The following C19orf38 variants were observed in gnomAD, a reference collection of about 807,000 sequenced individuals.
C19orf38 encodes the protein protein HIDE1.
C19orf38 carries 14 observed loss-of-function variants against 26.6 expected under a neutral mutation model. The ratio of observed to expected loss-of-function variants is 0.53; its 90% CI spans 0.35 to 0.82. C19orf38 has a LOEUF of 0.82. Among genes scored for constraint, C19orf38 ranks in the 40% least tolerant of loss-of-function variants. C19orf38 has a pLI of 0.01. For synonymous variants in C19orf38, 132 were observed against 128.5 expected, an observed-to-expected ratio of 1.03 and a Z score of -0.18; for missense variants, 261 against 299.5, an observed-to-expected ratio of 0.87 and a Z score of 0.95.
At chr19:10,838,449 C>T (rs547282424) in intron 1 of C19orf38, among the ~76,000 whole-genome samples, 64 of 152,274 alleles carry the variant, frequency 4.2e-4, no homozygotes, top group Non-Finnish European at 7.4e-4. Flanking sequence ...ATTAACAATT[C>T]AGTGGCATTT....
At chr19:10,847,661 G>A (rs1001656150), upstream of C19orf38, among the ~76,000 whole-genome samples, 2 of 151,664 alleles carry the variant, frequency 1.3e-5, no homozygotes, top group African/African-American at 2.4e-5. Flanking sequence ...GAGCCACCAC[G>A]TCTGGCCTAA....
rs1405393168 is a variant in C19orf38, at chr19:10,865,497, T to A, written c.543+2290T>A. Among the ~76,000 whole-genome samples the A allele has an allele frequency of 2.0e-5, 3 of 151,234 alleles. No homozygotes were observed. In the East Asian group the frequency reaches 6.0e-4, roughly 30 times the overall value. On this transcript the variant is annotated intron_variant, in intron 6 of 6. Transcript: ENST00000397820. The stretch of plus-strand genomic sequence containing the variant: ...TTCTTAAATTAAGGACCAGGCGTGG[T>A]GGCTCATGCCTGTAATCCCATCACT...
intron 1 of C19orf38, among the ~76,000 whole-genome samples, chr19:10,842,872 G>A (rs1048087796): frequency 3.9e-5 from 6 of 152,230 alleles, no homozygotes; most frequent in African/African-American, 1.4e-4. Context: ...GACACTGGAG[G>A]CACCCTGCCC....
rs1433358051 is a variant in C19orf38 at position 10,857,366 on chromosome 19, A to ATATTTT, written c.434-949_434-948insATTTTT. 9.6e-4 allele frequency among the ~76,000 whole-genome samples: 54 copies of ATATTTT among 56,080 alleles called. 3 individuals are homozygous for ATATTTT. The highest frequency in any genetic ancestry group is 5.5e-3 in the African/African-American group (32 of 5,818). The allele number at this position is 56,080 out of a possible 152,430, so 36.8% of individuals were successfully genotyped here. Reference sequence around the variant, plus strand: ...TATATATATATATATATATATATATATTTTTTTTTTTTTTTTTTTAAGATG... The same window carrying ATATTTT: ...TATATATATATATATATATATATATATATTTTTTTTTTTTTTTTTTTTTTTAAGATG... On this transcript the variant is annotated intron_variant, in intron 3 of 6. Transcript: ENST00000397820.
chr19:10,861,299 A>T (rs2073695976), intron 5 of C19orf38, among the ~76,000 whole-genome samples: 1 of 152,248 alleles, frequency 6.6e-6, no homozygotes, highest in Non-Finnish European at 1.5e-5. Context: ...AGAACATGCC[A>T]TTCTGCCAGC....
chr19:10,851,974 CAAAAAAA>C (rs903489432), intron 2 of C19orf38, among the ~76,000 whole-genome samples: 2 of 48,536 alleles, frequency 4.1e-5, no homozygotes, highest in African/African-American at 7.4e-5. Flanking sequence ...GACTCCGTCT[CAAAAAAA>C]AAAAAAAAAA....
At chr19:10,863,057 G>C (rs2073717367) in intron 5 of C19orf38, 113 bp from the exon 6 acceptor site, 2 of 1,092,350 alleles carry the variant, frequency 1.8e-6, no homozygotes, top group Admixed American at 4.1e-5. Context: ...AGGATGCTGG[G>C]AGATGGACCC....
chr19:10,854,221 C>T (rs1426731583), intron 2 of C19orf38, among the ~76,000 whole-genome samples: 2 of 151,880 alleles, frequency 1.3e-5, no homozygotes, highest in African/African-American at 2.4e-5. Context: ...AACCACCACA[C>T]CCTGCTAATT....
At position 10,857,288 on chromosome 19, in the gene C19orf38, GTATGTATATATA is replaced by G. The variant is rs1350004139; in HGVS notation, c.433+937_433+948del. On this transcript the variant is annotated intron_variant, in intron 3 of 6. Coordinates refer to ENST00000397820, the MANE Select transcript of C19orf38 (RefSeq NM_001136482.3). The stretch of plus-strand genomic sequence containing the variant: ...TATGTGTGTGGGTATATATGTGTGT[GTATGTATATATA>G]TATGTGTGTATATATATACATACAC... 6.0e-5 allele frequency among the ~76,000 whole-genome samples: 8 copies of G among 133,288 alleles called. No homozygotes were observed. In the East Asian group the frequency reaches 1.8e-3, roughly 29 times the overall value. The allele number at this position is 133,288 out of a possible 152,430, so 87.4% of individuals were successfully genotyped here.
chr19:10,861,587 T>C (rs531646618), intron 5 of C19orf38, among the ~76,000 whole-genome samples: 1 of 152,200 alleles, frequency 6.6e-6, no homozygotes, highest in South Asian at 2.1e-4. Flanking sequence ...TGTTTTTCTT[T>C]TTTTTTTTGA....
In C19orf38 at chr19:10,869,304, G is replaced by A; in HGVS notation, c.630G>A (p.Arg210=). 1 of 1,551,612 alleles carries A rather than the reference G, an allele frequency of 6.4e-7. No individual in the cohort carries two copies. The highest frequency in any genetic ancestry group is 8.7e-7 in the Non-Finnish European group (1 of 1,146,958). The part of the protein sequence containing the change: ...ATPSNSRTRK[R]PTSTSSSPET... ...CCAGCAACTCCAGGACCCGGAAGAG[G>A]CCCACTTCCACGTCCTCCTCGCCTG... is the stretch of plus-strand genomic sequence containing the variant. Residue 210 remains arginine, a synonymous_variant, in exon 7 of 7, where the codon AGG becomes AGA. Coordinates refer to ENST00000397820, the MANE Select transcript of C19orf38 (RefSeq NM_001136482.3).
chr19:10,850,431 C>T lies in C19orf38; in HGVS notation c.204C>T (p.Arg68=), dbSNP rs1268203019. The part of the protein sequence containing the change: ...VQLLQAPTDQ[R]GVTFNLSGGS... ...TCCTGCAGGCCCCCACGGACCAGCG[C>T]GGGGTGACATTTAACCTGAGCGGCG... Residue 68 remains arginine, a synonymous_variant, in exon 2 of 7, where the codon CGC becomes CGT. Transcript: ENST00000397820. 10 of 1,551,158 alleles carry T rather than the reference C, an allele frequency of 6.4e-6. No homozygotes were observed. Among genetic ancestry groups the T allele is most frequent in the Non-Finnish European group, 8.7e-6 (10 of 1,146,794 alleles).
At chr19:10,853,432 G>A (rs573350123) in intron 2 of C19orf38, among the ~76,000 whole-genome samples, 1 of 150,162 alleles carries the variant, frequency 6.7e-6, no homozygotes, top group South Asian at 2.1e-4. Context: ...GATTACAGGC[G>A]TGCACCACCA....
chr19:10,865,946 G>A (rs1426281156), intron 6 of C19orf38, among the ~76,000 whole-genome samples: 2 of 151,778 alleles, frequency 1.3e-5, no homozygotes, highest in Non-Finnish European at 2.9e-5. Context: ...CCGAGTAGCT[G>A]GGACCACAGA....
At chr19:10,867,984 TG>T (rs747836615) in intron 6 of C19orf38, among the ~76,000 whole-genome samples, 1 of 152,114 alleles carries the variant, frequency 6.6e-6, no homozygotes, top group Non-Finnish European at 1.5e-5. Context: ...AATCATATTG[TG>T]TTGTATGGAT....
chr19:10,857,945 T>C (rs888650271), intron 3 of C19orf38, among the ~76,000 whole-genome samples: 2 of 144,584 alleles, frequency 1.4e-5, no homozygotes, highest in African/African-American at 5.0e-5. Flanking sequence ...ATCTGAGGCC[T>C]TCCAGGCTGG....
intron 2 of C19orf38, among the ~76,000 whole-genome samples, chr19:10,853,166 A>G (rs2073590027): frequency 6.6e-6 from 1 of 151,690 alleles, no homozygotes; most frequent in African/African-American, 2.4e-5. Flanking sequence ...GGGCTCAATC[A>G]ATCTTCCCTT....
chr19:10,840,496 C>A (rs2073470937), intron 1 of C19orf38, among the ~76,000 whole-genome samples: 1 of 148,174 alleles, frequency 6.7e-6, no homozygotes, highest in Non-Finnish European at 1.5e-5. Flanking sequence ...ATAATAAAGA[C>A]AGATTTTTGT....
chr19:10,860,033 C>T, intron 5 of C19orf38, 75 bp downstream of exon 5: 2 of 1,413,550 alleles, frequency 1.4e-6, no homozygotes, highest in Non-Finnish European at 2.0e-6. Flanking sequence ...TCATCACACA[C>T]CAATCAAATT....
Sources: gnomAD v4.1 joint callset for allele counts (sites outside exome capture counted in the v4.1 genomes callset) on GRCh38, gnomAD v4.1.1 for gene constraint, MANE v1.5 for transcripts, NCBI Gene and HGNC (gene_info 2026-07-23, HGNC 2026-07-21) for gene names.